CCNY: variants seen among roughly 807,000 people sequenced by gnomAD.
The protein encoded by CCNY is cyclin Y.
Under a neutral mutation model 42.8 loss-of-function variants are expected in CCNY, and 19 were observed. The ratio of observed to expected loss-of-function variants is 0.44; its 90% CI spans 0.31 to 0.65. The LOEUF (loss-of-function observed/expected upper bound fraction) is 0.65, where lower values mean the gene tolerates loss of function less well. Ranked by LOEUF, CCNY falls within the 30% of genes least tolerant of loss-of-function variation. The pLI is 0.07. For missense variants in CCNY, 370 were observed against 437.3 expected (o/e 0.85, Z 1.37); for synonymous variants, 165 against 162.7 (o/e 1.01, Z -0.11).
chr10:35,465,367 C>G (rs969235738), intron 1 of CCNY, among the ~76,000 whole-genome samples: 1 of 152,058 alleles, frequency 6.6e-6, no homozygotes, highest in African/African-American at 2.4e-5. Context: ...CCAGTGAGGT[C>G]GTCACGTATA....
intron 1 of CCNY, among the ~76,000 whole-genome samples, chr10:35,414,434 A>C (rs531960144): frequency 6.4e-4 from 98 of 152,212 alleles, no homozygotes; most frequent in Non-Finnish European, 1.2e-3. Flanking sequence ...TTATTACTTC[A>C]TCAAAGCCAG....
chr10:35,526,533 C>T (rs1374578007), intron 5 of CCNY, among the ~76,000 whole-genome samples: 1 of 152,108 alleles, frequency 6.6e-6, no homozygotes, highest in Non-Finnish European at 1.5e-5. Context: ...CAACATAAAA[C>T]ATGTAAGAAT....
In CCNY at chr10:35,553,185, T is replaced by C; in HGVS notation, c.746T>C (p.Met249Thr). The C allele has an allele frequency of 6.2e-7, 1 of 1,613,548 alleles. No individual in the cohort carries two copies. Among genetic ancestry groups the C allele is most frequent in the Non-Finnish European group, 8.5e-7 (1 of 1,179,516 alleles). The part of the protein sequence containing the change: ...QILKDITVED[M>T]NELERQFLEL... Reference sequence around the variant, plus strand: ...CTGAAAGACATCACGGTGGAGGACATGTGAGTTGGGGGGCAGAGGGTGTTG... The same window carrying C: ...CTGAAAGACATCACGGTGGAGGACACGTGAGTTGGGGGGCAGAGGGTGTTG... The change falls in exon 8 of 10, where the codon ATG becomes ACG. Residue 249 changes from methionine (M) to threonine (T), a missense_variant and splice_region_variant. By Grantham distance (81) the Met-to-Thr change is moderately conservative. Coordinates refer to ENST00000374704, the MANE Select transcript of CCNY (RefSeq NM_145012.6).
chr10:35,454,196 C>T (rs1024276159), intron 1 of CCNY, among the ~76,000 whole-genome samples: 25 of 152,188 alleles, frequency 1.6e-4, no homozygotes, highest in African/African-American at 4.8e-4. Flanking sequence ...CCCAACGGCA[C>T]GCAACTACCA....
intron 1 of CCNY, among the ~76,000 whole-genome samples, chr10:35,382,196 A>G (rs774162776): frequency 1.3e-5 from 2 of 152,222 alleles, no homozygotes; most frequent in Non-Finnish European, 2.9e-5. Flanking sequence ...TAGGATAGGA[A>G]GAAAGTTACA....
In CCNY at chr10:35,476,488, G is replaced by A. The variant is rs548932208; in HGVS notation, c.155-6916G>A. On this transcript the variant is annotated intron_variant, in intron 1 of 9. Coordinates refer to ENST00000374704, the MANE Select transcript of CCNY (RefSeq NM_145012.6). ...AACTCAGGATTAAGAATCTCACTCAGAACTGTTCAACTACATGGAAACTGA... is the reference window on the plus strand; with the variant it reads ...AACTCAGGATTAAGAATCTCACTCAAAACTGTTCAACTACATGGAAACTGA... 9.7e-3 allele frequency among the ~76,000 whole-genome samples: 1,480 copies of A among 152,020 alleles called. 24 individuals are homozygous for A. Among genetic ancestry groups the A allele is most frequent in the African/African-American group, 0.034 (1,403 of 41,334 alleles).
intron 3 of CCNY, among the ~76,000 whole-genome samples, chr10:35,509,057 T>C (rs1311875346): frequency 6.6e-6 from 1 of 152,218 alleles, no homozygotes; most frequent in African/African-American, 2.4e-5. Flanking sequence ...TGTATCTCAG[T>C]ACTTCATTCC....
At chr10:35,561,147 G>A (rs1018147642) in intron 8 of CCNY, among the ~76,000 whole-genome samples, 4 of 152,160 alleles carry the variant, frequency 2.6e-5, no homozygotes, top group African/African-American at 7.2e-5. Context: ...AATGAGGGAG[G>A]TGCGTGCCAG....
At chr10:35,536,057 C>T (rs1337280765) in intron 7 of CCNY, among the ~76,000 whole-genome samples, 2 of 152,168 alleles carry the variant, frequency 1.3e-5, no homozygotes, top group African/African-American at 4.8e-5. Flanking sequence ...TGTGTCCCCA[C>T]CCAAATCTCA....
chr10:35,376,680 C>G (rs1184787536), intron 1 of CCNY, among the ~76,000 whole-genome samples: 4 of 152,168 alleles, frequency 2.6e-5, no homozygotes, highest in Admixed American at 2.6e-4. Flanking sequence ...CTAAGCATTT[C>G]AGATGAGGGA....
intron 1 of CCNY, among the ~76,000 whole-genome samples, chr10:35,466,997 G>C (rs940330677): frequency 6.6e-6 from 1 of 152,190 alleles, no homozygotes; most frequent in African/African-American, 2.4e-5. Context: ...ACCAGACAGT[G>C]ATAATCTTTA....
chr10:35,292,775 GTTTTTGTTTTTTTTTT>G (rs1020860290), intron 3 of CCNY, among the ~76,000 whole-genome samples: 5 of 116,336 alleles, frequency 4.3e-5, no homozygotes, highest in Non-Finnish European at 9.2e-5. Flanking sequence ...AGAGTGCTTT[GTTTTTGTTTTTTTTTT>G]TTTTTTTTTT....
intron 1 of CCNY, among the ~76,000 whole-genome samples, chr10:35,472,181 C>T (rs926689141): frequency 6.6e-5 from 10 of 152,142 alleles, no homozygotes; most frequent in Non-Finnish European, 1.2e-4. Flanking sequence ...GACTCCTAAT[C>T]GTCATAGCAG....
intron 7 of CCNY, among the ~76,000 whole-genome samples, chr10:35,535,652 A>G (rs543060909): frequency 1.1e-4 from 17 of 152,340 alleles, no homozygotes; most frequent in Non-Finnish European, 2.1e-4. Flanking sequence ...TAGGCCTGTG[A>G]TGGTTGCATC....
chr10:35,496,949 C>A (rs1174677206), intron 2 of CCNY, among the ~76,000 whole-genome samples: 1 of 152,160 alleles, frequency 6.6e-6, no homozygotes, highest in Non-Finnish European at 1.5e-5. Context: ...ACTTTTAATG[C>A]CAACTGTATT....
At chr10:35,355,012 T>G (rs1055203329) in intron 1 of CCNY, among the ~76,000 whole-genome samples, 1 of 152,184 alleles carries the variant, frequency 6.6e-6, no homozygotes, top group East Asian at 1.9e-4. Flanking sequence ...CATAAAAGAC[T>G]AATGGGAAGA....
chr10:35,256,167 T>C lies in CCNY; in HGVS notation c.-9+5541T>C, dbSNP rs149910153. On this transcript the variant is annotated intron_variant, in intron 3 of 11. Coordinates refer to the CCNY transcript ENST00000374706. ...TATGCTGCTAATCTCTGATTTTTGATTGGAGAATTTAATTCATTTACATTT... is the reference window on the plus strand; with the variant it reads ...TATGCTGCTAATCTCTGATTTTTGACTGGAGAATTTAATTCATTTACATTT... Among the ~76,000 whole-genome samples the C allele has an allele frequency of 2.3e-3, 356 of 152,330 alleles. 1 individual carries two copies. The highest frequency in any genetic ancestry group is 6.7e-3 in the African/African-American group (280 of 41,580).
At chr10:35,459,457 C>A (rs1302959068) in intron 1 of CCNY, among the ~76,000 whole-genome samples, 1 of 152,122 alleles carries the variant, frequency 6.6e-6, no homozygotes, top group Non-Finnish European at 1.5e-5. Context: ...ATGTGTGGCC[C>A]AAGACAATTC....
intron 3 of CCNY, among the ~76,000 whole-genome samples, chr10:35,309,769 A>C (rs1291106298): frequency 6.6e-6 from 1 of 151,902 alleles, no homozygotes; most frequent in Non-Finnish European, 1.5e-5. Context: ...TGATAGTTAT[A>C]CATATTTCTG....
Sources: gnomAD v4.1 joint callset for allele counts (sites outside exome capture counted in the v4.1 genomes callset) on GRCh38, gnomAD v4.1.1 for gene constraint, MANE v1.5 for transcripts, NCBI Gene and HGNC (gene_info 2026-07-23, HGNC 2026-07-21) for gene names.